UNC79: variants seen among roughly 807,000 people sequenced by gnomAD.
The protein encoded by UNC79 is unc-79 subunit of NALCN channel complex.
In UNC79, 37 loss-of-function variants were observed where a neutral mutation model predicts 283.1. The ratio of observed to expected loss-of-function variants is 0.13; its 90% CI spans 0.10 to 0.17. UNC79 has a LOEUF of 0.17. Ranked by LOEUF, UNC79 falls within the 10% of genes least tolerant of loss-of-function variation. The pLI is 1.00. For missense variants in UNC79, 2,272 were observed against 3,211.1 expected (o/e 0.71, Z 7.07); for synonymous variants, 1,107 against 1,200.2 (o/e 0.92, Z 1.61).
At chr14:93,338,916 CA>C (rs111873704) in intron 1 of UNC79, among the ~76,000 whole-genome samples, 66 of 151,586 alleles carry the variant, frequency 4.4e-4, no homozygotes, top group African/African-American at 1.3e-3. Context: ...CAAAAACAAA[CA>C]AAAAAAACTT....
chr14:93,486,427 T>G (rs1296884817), intron 4 of UNC79, among the ~76,000 whole-genome samples: 1 of 151,238 alleles, frequency 6.6e-6, no homozygotes, highest in Non-Finnish European at 1.5e-5. Context: ...GAGGCCGAAG[T>G]GGGTGGATCA....
chr14:93,383,341 A>T (rs2054703370), intron 1 of UNC79, among the ~76,000 whole-genome samples: 1 of 152,212 alleles, frequency 6.6e-6, no homozygotes, highest in Middle Eastern at 3.2e-3. Context: ...GAAGACAAGT[A>T]GAAAAAATGT....
chr14:93,456,389 AAAAG>A (rs2140192752), intron 1 of UNC79, among the ~76,000 whole-genome samples: 1 of 152,262 alleles, frequency 6.6e-6, no homozygotes, highest in South Asian at 2.1e-4. Context: ...GCAAGAAAAA[AAAAG>A]AGAAAGAGTG....
chr14:93,497,788 C>T lies in UNC79; in HGVS notation c.898+502C>T, dbSNP rs532977735. The stretch of plus-strand genomic sequence containing the variant: ...AGATCACAAGGTCAGGAGATGTAGA[C>T]CATCCTGGCTAACATGGTGAAACCC... On this transcript the variant is annotated intron_variant, in intron 7 of 48. Transcript: ENST00000555664. Among the ~76,000 whole-genome samples the T allele has an allele frequency of 2.6e-5, 4 of 152,038 alleles. No homozygotes were observed. The South Asian group carries it at 6.3e-4, about 24-fold the overall frequency.
chr14:93,643,518 C>T, intron 33 of UNC79, 39 bp from the exon 37 acceptor site: 2 of 1,613,308 alleles, frequency 1.2e-6, no homozygotes, highest in Non-Finnish European at 1.7e-6. Context: ...GACCATGGTT[C>T]TTTCTTTCAT....
At chr14:93,444,143 A>G (rs2056395717) in intron 1 of UNC79, among the ~76,000 whole-genome samples, 1 of 152,140 alleles carries the variant, frequency 6.6e-6, no homozygotes. Context: ...TAGTCTTTCT[A>G]GTTGGTGTGC....
intron 26 of UNC79, among the ~76,000 whole-genome samples, chr14:93,605,411 T>G (rs1025175242): frequency 4.6e-5 from 7 of 152,334 alleles, no homozygotes; most frequent in East Asian, 3.9e-4. Flanking sequence ...CAACTGTACA[T>G]GCATTTCTGT....
intron 2 of UNC79, among the ~76,000 whole-genome samples, chr14:93,472,030 G>A (rs1044475670): frequency 6.6e-6 from 1 of 151,768 alleles, no homozygotes; most frequent in African/African-American, 2.4e-5. Flanking sequence ...TTAAAGCATA[G>A]CATTAATTTA....
At chr14:93,495,743 A>G (rs1307932357) in intron 5 of UNC79, among the ~76,000 whole-genome samples, 6 of 152,374 alleles carry the variant, frequency 3.9e-5, no homozygotes, top group East Asian at 1.9e-4. Flanking sequence ...AACTGCTTCA[A>G]TGTCAGCATA....
chr14:93,572,752 T>G, exon 16 of UNC79: 1 of 1,614,170 alleles, frequency 6.2e-7, no homozygotes, highest in Non-Finnish European at 8.5e-7. Context: ...ATGTTTGGTT[T>G]TATTAGTTGT....
At chr14:93,661,855 A>G (rs1320796205) in intron 39 of UNC79, among the ~76,000 whole-genome samples, 1 of 152,238 alleles carries the variant, frequency 6.6e-6, no homozygotes, top group African/African-American at 2.4e-5. Context: ...TCAAGGTCAC[A>G]GTGAGCTAGA....
chr14:93,427,628 T>C (rs1427148683), upstream of UNC79, among the ~76,000 whole-genome samples: 1 of 152,072 alleles, frequency 6.6e-6, no homozygotes, highest in Non-Finnish European at 1.5e-5. Context: ...TTTTTGTCTT[T>C]CCACTAGAAT....
chr14:93,344,567 A>C (rs1349742437), intron 1 of UNC79, among the ~76,000 whole-genome samples: 1 of 152,196 alleles, frequency 6.6e-6, no homozygotes, highest in Non-Finnish European at 1.5e-5. Flanking sequence ...GGAAAAAAAA[A>C]CATGGCTCCC....
At chr14:93,509,327 T>C (rs528655351) in intron 7 of UNC79, among the ~76,000 whole-genome samples, 5 of 152,090 alleles carry the variant, frequency 3.3e-5, no homozygotes, top group Admixed American at 3.3e-4. Context: ...AAATATCATG[T>C]CCTTTTCACA....
intron 6 of UNC79, among the ~76,000 whole-genome samples, chr14:93,496,947 C>G (rs948952052): frequency 6.6e-6 from 1 of 152,166 alleles, no homozygotes; most frequent in African/African-American, 2.4e-5. Context: ...TGTGAGGGCT[C>G]ATTTACAGAA....
At chr14:93,602,206 T>G (rs2065556937) in intron 25 of UNC79, among the ~76,000 whole-genome samples, 1 of 152,208 alleles carries the variant, frequency 6.6e-6, no homozygotes, top group African/African-American at 2.4e-5. Context: ...GTTTTTCTGA[T>G]GTTGTCTTCT....
At chr14:93,660,563 A>ATATATATATATGTG (rs1203621990) in intron 39 of UNC79, among the ~76,000 whole-genome samples, 10 of 64,788 alleles carry the variant, frequency 1.5e-4, no homozygotes, top group East Asian at 5.5e-4. Context: ...ATATATATAT[A>ATATATATATATGTG]TGTGTGTGTG....
Position 93,342,901 on chromosome 14 carries a change from CAAT to C in UNC79, c.-351+9381_-351+9383del, listed in dbSNP as rs2053743317. ...CAAGAGTGGCCTTTGTTTTAGTTCT[CAAT>C]AAGTTCCTCATCTCCATCTGAGACT... On this transcript the variant is annotated intron_variant, in intron 1 of 49. Transcript: ENST00000256339. 3.3e-5 allele frequency among the ~76,000 whole-genome samples: 5 copies of C among 152,342 alleles called. No homozygotes were observed. In the South Asian group the frequency reaches 1.0e-3, roughly 32 times the overall value.
intron 11 of UNC79, among the ~76,000 whole-genome samples, chr14:93,537,540 A>G (rs955307560): frequency 6.6e-6 from 1 of 152,252 alleles, no homozygotes; most frequent in Non-Finnish European, 1.5e-5. Flanking sequence ...GGTGGATAAA[A>G]TAATTTTGAA....
Sources: allele counts gnomAD v4.1 joint callset (sites outside exome capture counted in the v4.1 genomes callset), GRCh38; gene constraint gnomAD v4.1.1; transcripts MANE v1.5; gene names NCBI Gene and HGNC (gene_info 2026-07-23, HGNC 2026-07-21).